Variants in FNDC3A observed in about 807,000 individuals in gnomAD.
FNDC3A encodes fibronectin type-III domain-containing protein 3A.
In FNDC3A, 32 loss-of-function variants were observed where a neutral mutation model predicts 148.9. The observed-to-expected ratio is 0.21, with a 90% CI of 0.16 to 0.29. The LOEUF (loss-of-function observed/expected upper bound fraction) is 0.29, where lower values mean the gene tolerates loss of function less well. FNDC3A is among the 10% of genes least tolerant of loss of function. The pLI, the probability that FNDC3A is intolerant of heterozygous loss-of-function variation, is 1.00. For missense variants in FNDC3A, 1,191 were observed against 1,452.8 expected (o/e 0.82, Z 2.93); for synonymous variants, 472 against 473.6 (o/e 1.00, Z 0.04).
chr13:49,158,632 AT>A (rs765351710), intron 8 of FNDC3A, among the ~76,000 whole-genome samples: 3 of 151,978 alleles, frequency 2.0e-5, no homozygotes, highest in Non-Finnish European at 4.4e-5. Flanking sequence ...ATTAGATCCC[AT>A]TTGTCTATTT....
At position 49,006,372 on chromosome 13, in the gene FNDC3A, TC is replaced by T. The variant is rs961013442; in HGVS notation, c.99+85del. 1.5e-4 allele frequency: 91 copies of T among 588,838 alleles called. No homozygotes were observed. In the African/African-American group the frequency reaches 1.6e-3, roughly 10 times the overall value. The allele number at this position is 588,838 out of a possible 1,614,324, so 36.5% of individuals were successfully genotyped here. On this transcript the variant is annotated intron_variant, in intron 2 of 25. Coordinates refer to ENST00000492622, the MANE Select transcript of FNDC3A (RefSeq NM_001079673.2). The stretch of plus-strand genomic sequence containing the variant: ...TTTAAAACAGATCACAATAGTGAGT[TC>T]CTGTTAATTCGTGTTTTAAATTCCC...
chr13:49,173,951 A>AAT, intron 11 of FNDC3A, among the ~76,000 whole-genome samples: 1 of 152,298 alleles, frequency 6.6e-6, no homozygotes, highest in Middle Eastern at 3.4e-3. Flanking sequence ...TTTCAGTGTT[A>AAT]ATCTAAGCAG....
intron 2 of FNDC3A, among the ~76,000 whole-genome samples, chr13:49,027,017 GT>G (rs912299945): frequency 3.7e-4 from 55 of 147,756 alleles, no homozygotes; most frequent in Non-Finnish European, 6.2e-4. Context: ...AAACCTGATA[GT>G]TTTTTTTTTA....
At chr13:49,201,362 T>C in intron 23 of FNDC3A, 1 of 159,834 alleles carries the variant, frequency 6.3e-6, no homozygotes, top group East Asian at 1.8e-4. Context: ...AAGATTAAAA[T>C]AGAAACTTAA....
chr13:48,998,988 A>G (rs1463196024), intron 1 of FNDC3A, among the ~76,000 whole-genome samples: 6 of 152,254 alleles, frequency 3.9e-5, no homozygotes, highest in Non-Finnish European at 8.8e-5. Context: ...AAGGCAATTC[A>G]GAGGTCATCA....
chr13:49,128,658 A>G (rs1881849681), intron 4 of FNDC3A, among the ~76,000 whole-genome samples: 1 of 152,106 alleles, frequency 6.6e-6, no homozygotes, highest in South Asian at 2.1e-4. Flanking sequence ...CAACTCCTTA[A>G]TAGTAGCCTG....
At chr13:49,119,011 G>T (rs1052228831) in intron 4 of FNDC3A, among the ~76,000 whole-genome samples, 1 of 152,232 alleles carries the variant, frequency 6.6e-6, no homozygotes, top group Admixed American at 6.5e-5. Flanking sequence ...TCTGCTAAGG[G>T]ACACATTGCC....
intron 4 of FNDC3A, among the ~76,000 whole-genome samples, chr13:49,127,557 C>G (rs1304123958): frequency 6.6e-6 from 1 of 152,194 alleles, no homozygotes; most frequent in Non-Finnish European, 1.5e-5. Flanking sequence ...CACAGTTAAT[C>G]CTTCCTCCTT....
chr13:49,118,251 G>A (rs1881093487), intron 4 of FNDC3A, among the ~76,000 whole-genome samples: 2 of 152,156 alleles, frequency 1.3e-5, no homozygotes, highest in Admixed American at 1.3e-4. Flanking sequence ...AAGCAAAAGG[G>A]GTCGGGGAGC....
intron 8 of FNDC3A, among the ~76,000 whole-genome samples, chr13:49,163,331 C>T (rs1208912084): frequency 6.6e-6 from 1 of 152,186 alleles, no homozygotes; most frequent in African/African-American, 2.4e-5. Context: ...ACTCAAGCCT[C>T]AGTAATGGCG....
At chr13:49,106,918 T>C (rs1880229953) in intron 3 of FNDC3A, among the ~76,000 whole-genome samples, 1 of 152,070 alleles carries the variant, frequency 6.6e-6, no homozygotes, top group Non-Finnish European at 1.5e-5. Flanking sequence ...CATAGATAAG[T>C]CCTAGAAATC....
intron 8 of FNDC3A, among the ~76,000 whole-genome samples, chr13:49,166,990 C>CAA (rs11415973): frequency 8.2e-4 from 124 of 151,780 alleles, no homozygotes; most frequent in Non-Finnish European, 1.2e-3. Context: ...AACTCCACTC[C>CAA]AAAAAAAAGA....
chr13:49,057,146 A>G (rs1299318083), intron 2 of FNDC3A, among the ~76,000 whole-genome samples: 1 of 152,194 alleles, frequency 6.6e-6, no homozygotes, highest in Non-Finnish European at 1.5e-5. Context: ...TCTAGATTAT[A>G]TAGCTAATAT....
intron 2 of FNDC3A, among the ~76,000 whole-genome samples, chr13:49,039,163 A>G (rs766045885): frequency 6.6e-6 from 1 of 152,230 alleles, no homozygotes; most frequent in Non-Finnish European, 1.5e-5. Flanking sequence ...TAGGGGACCA[A>G]GGAATTGTGT....
chr13:49,177,674 A>T (rs1381419060), intron 13 of FNDC3A, among the ~76,000 whole-genome samples: 1 of 152,244 alleles, frequency 6.6e-6, no homozygotes, highest in African/African-American at 2.4e-5. Flanking sequence ...AATGTGGTGT[A>T]TCCATACAAT....
rs887190787 is a variant in FNDC3A at position 49,012,408 on chromosome 13, G to T, written c.99+6119G>T. Among the ~76,000 whole-genome samples the T allele has an allele frequency of 3.3e-5, 5 of 152,072 alleles. No individual in the cohort carries two copies. The South Asian group carries it at 1.0e-3, about 32-fold the overall frequency. Reference sequence around the variant, plus strand: ...TATGGATTTTTAATTCTCTTTCATTGATCTGTTTTATTATCCCTGTGCCAA... The same window carrying T: ...TATGGATTTTTAATTCTCTTTCATTTATCTGTTTTATTATCCCTGTGCCAA... On this transcript the variant is annotated intron_variant, in intron 2 of 25. Transcript: ENST00000492622.
rs1242363104 is a variant in FNDC3A, at chr13:49,186,265, T to C, written c.1756+163T>C. Among the ~76,000 whole-genome samples, 4 of 1,404 alleles carry C rather than the reference T, an allele frequency of 2.8e-3. No homozygotes were observed. In the Non-Finnish European group the frequency reaches 0.044, roughly 15 times the overall value. 0.9% of individuals were successfully genotyped at this position (1,404 alleles called of 152,430 possible). ...TGGGTATGTTTTTTGTGGAAAACCT[T>C]ATACTCTCATACATGCTAGGTTAAG... On this transcript the variant is annotated intron_variant, in intron 15 of 25. Coordinates refer to ENST00000492622, the MANE Select transcript of FNDC3A (RefSeq NM_001079673.2).
At chr13:49,124,274 A>G (rs1244994946) in intron 4 of FNDC3A, among the ~76,000 whole-genome samples, 1 of 152,152 alleles carries the variant, frequency 6.6e-6, no homozygotes, top group East Asian at 1.9e-4. Context: ...TCTCACTTAT[A>G]AATGGGAGTT....
chr13:49,019,323 C>T (rs548548672), intron 2 of FNDC3A, among the ~76,000 whole-genome samples: 56 of 152,372 alleles, frequency 3.7e-4, no homozygotes, highest in African/African-American at 1.3e-3. Context: ...TTTTTAAGCC[C>T]GTCGGAAAAG....
Sources: allele counts gnomAD v4.1 joint callset (sites outside exome capture counted in the v4.1 genomes callset), GRCh38; gene constraint gnomAD v4.1.1; transcripts MANE v1.5; gene names NCBI Gene and HGNC (gene_info 2026-07-23, HGNC 2026-07-21).